MUSK: variants seen among roughly 807,000 people sequenced by gnomAD.
MUSK encodes the protein muscle associated receptor tyrosine kinase.
A neutral mutation model predicts 88.7 loss-of-function variants in MUSK; 55 were observed. The observed-to-expected ratio is 0.62, with a 90% CI of 0.50 to 0.78. The LOEUF (loss-of-function observed/expected upper bound fraction) is 0.78, where lower values mean the gene tolerates loss of function less well. Ranked by LOEUF, MUSK falls within the 30% of genes least tolerant of loss-of-function variation. The pLI is 0.00. For synonymous variants in MUSK, 387 were observed against 391.9 expected (o/e 0.99, Z 0.15); for missense variants, 1,015 against 1,074.3 (o/e 0.94, Z 0.77).
chr9:110,787,189 T>C (rs971705928), intron 13 of MUSK, among the ~76,000 whole-genome samples: 2 of 151,920 alleles, frequency 1.3e-5, no homozygotes, highest in Non-Finnish European at 2.9e-5. Context: ...AGTGAAACCC[T>C]GTCTCTACTA....
At chr9:110,756,337 T>A (rs2077324140) in intron 7 of MUSK, among the ~76,000 whole-genome samples, 1 of 151,956 alleles carries the variant, frequency 6.6e-6, no homozygotes, top group African/African-American at 2.4e-5. Context: ...TCTCAATCCC[T>A]ATTGAGGTAA....
chr9:110,700,049 G>A (rs2076481969), intron 5 of MUSK, among the ~76,000 whole-genome samples: 1 of 152,148 alleles, frequency 6.6e-6, no homozygotes, highest in Non-Finnish European at 1.5e-5. Flanking sequence ...CTCTGCAATG[G>A]AAATGTAAAG....
chr9:110,725,085 T>A (rs138423691), intron 5 of MUSK, among the ~76,000 whole-genome samples: 51 of 152,120 alleles, frequency 3.4e-4, no homozygotes, highest in African/African-American at 1.2e-3. Context: ...AGAAATTAAT[T>A]GAAATAATGG....
At chr9:110,689,419 T>A (rs1355159522) in intron 3 of MUSK, among the ~76,000 whole-genome samples, 2 of 110,630 alleles carry the variant, frequency 1.8e-5, no homozygotes, top group African/African-American at 8.0e-5. Context: ...TATTTATATA[T>A]AATATATGTA....
In MUSK at chr9:110,781,707, ATC is replaced by A. The variant is rs1049874539; in HGVS notation, c.1385-3106_1385-3105del. ...AGATCAAGGTGCCAGCAGATTTGGT[ATC>A]TGGTGAGGACCCATTCCTCATAGAC... On this transcript the variant is annotated intron_variant, in intron 11 of 14. Coordinates refer to ENST00000374448, the MANE Select transcript of MUSK (RefSeq NM_005592.4). 6.6e-4 allele frequency among the ~76,000 whole-genome samples: 100 copies of A among 152,310 alleles called. 1 individual carries two copies. The highest frequency in any genetic ancestry group is 3.4e-3 in the Middle Eastern group (1 of 294).
chr9:110,734,579 G>A (rs1256917447), intron 6 of MUSK, among the ~76,000 whole-genome samples: 1 of 152,042 alleles, frequency 6.6e-6, no homozygotes, highest in Non-Finnish European at 1.5e-5. Context: ...GTATCATGAG[G>A]AATACTAGAA....
rs754730438 is a variant in MUSK at position 110,800,493 on chromosome 9, T to C, written c.2115T>C (p.Ile705=). Residue 705 remains isoleucine (I), a synonymous_variant, in exon 15 of 15, where the codon ATT becomes ATC. Coordinates refer to ENST00000374448, the MANE Select transcript of MUSK (RefSeq NM_005592.4). The part of the protein sequence containing the change: ...PPLSCAEQLC[I]ARQVAAGMAY... ...TCTCCTGTGCTGAGCAGCTTTGCAT[T>C]GCCAGGCAGGTGGCAGCTGGCATGG... 2.5e-6 allele frequency: 4 copies of C among 1,613,920 alleles called. No homozygotes were observed. The highest frequency in any genetic ancestry group is 1.1e-5 in the South Asian group (1 of 91,068).
At chr9:110,799,394 A>G (rs1268619898) in intron 14 of MUSK, among the ~76,000 whole-genome samples, 1 of 152,186 alleles carries the variant, frequency 6.6e-6, no homozygotes, top group Non-Finnish European at 1.5e-5. Context: ...CTTTAAATCT[A>G]AGACTTTATT....
intron 7 of MUSK, among the ~76,000 whole-genome samples, chr9:110,753,756 GA>G (rs1206387071): frequency 1.3e-5 from 2 of 152,028 alleles, no homozygotes; most frequent in African/African-American, 4.8e-5. Context: ...GAGCAGGAGG[GA>G]AAAATCTGAT....
chr9:110,798,066 G>C (rs961308948), intron 14 of MUSK, among the ~76,000 whole-genome samples: 5 of 152,102 alleles, frequency 3.3e-5, no homozygotes, highest in Non-Finnish European at 7.4e-5. Context: ...ATTCCATTTG[G>C]ATATCCAATG....
chr9:110,754,477 G>A (rs2077286907), intron 7 of MUSK, among the ~76,000 whole-genome samples: 1 of 152,042 alleles, frequency 6.6e-6, no homozygotes, highest in South Asian at 2.1e-4. Context: ...TCATCTCCTA[G>A]CCATACACCC....
intron 1 of MUSK, among the ~76,000 whole-genome samples, chr9:110,678,944 T>C (rs1228251993): frequency 2.6e-5 from 4 of 152,140 alleles, no homozygotes; most frequent in Admixed American, 6.5e-5. Context: ...GATTTTATTA[T>C]GGTTAGAAAA....
In MUSK at chr9:110,775,974, G is replaced by C; in HGVS notation, c.1360+11G>C. The stretch of plus-strand genomic sequence containing the variant: ...GACTGCCACATCTAGGTAACACAGA[G>C]TTCTCCCAAGACTTTGGAGGTTAAG... On this transcript the variant is annotated intron_variant, in intron 10 of 14. Transcript: ENST00000374448. The C allele has an allele frequency of 1.9e-6, 3 of 1,599,114 alleles. No homozygotes were observed. The highest frequency in any genetic ancestry group is 2.6e-6 in the Non-Finnish European group (3 of 1,171,738).
intron 9 of MUSK, among the ~76,000 whole-genome samples, chr9:110,772,222 T>C (rs2077586734): frequency 6.6e-6 from 1 of 151,602 alleles, no homozygotes; most frequent in African/African-American, 2.4e-5. Flanking sequence ...ACAAAATACA[T>C]TTATTAACTT....
At chr9:110,699,569 T>C (rs1433260600) in intron 5 of MUSK, among the ~76,000 whole-genome samples, 1 of 152,170 alleles carries the variant, frequency 6.6e-6, no homozygotes, top group Non-Finnish European at 1.5e-5. Context: ...TAAGATATAA[T>C]GTAGACGTGA....
intron 5 of MUSK, among the ~76,000 whole-genome samples, chr9:110,730,326 G>T (rs1271474718): frequency 2.6e-5 from 4 of 151,994 alleles, no homozygotes; most frequent in Non-Finnish European, 5.9e-5. Context: ...GGGGTTTGAT[G>T]ATTTTTTTGT....
At chr9:110,702,982 C>T (rs1305949629) in intron 5 of MUSK, among the ~76,000 whole-genome samples, 1 of 152,002 alleles carries the variant, frequency 6.6e-6, no homozygotes, top group Non-Finnish European at 1.5e-5. Flanking sequence ...ACATTGGTTC[C>T]AGGCCAAAAA....
chr9:110,687,425 C>T (rs1275437259), intron 3 of MUSK, among the ~76,000 whole-genome samples, 157 bp downstream of exon 3: 1 of 152,000 alleles, frequency 6.6e-6, no homozygotes, highest in African/African-American at 2.4e-5. Flanking sequence ...ACCTCCACCT[C>T]CTGGGTTCAA....
chr9:110,728,386 A>G, intron 5 of MUSK: 1 of 344,622 alleles, frequency 2.9e-6, no homozygotes, highest in Non-Finnish European at 5.3e-6. Context: ...AACTGTCAAC[A>G]TTAGAATAAA....
Sources: allele counts gnomAD v4.1 joint callset (sites outside exome capture counted in the v4.1 genomes callset), GRCh38; gene constraint gnomAD v4.1.1; transcripts MANE v1.5; gene names NCBI Gene and HGNC (gene_info 2026-07-23, HGNC 2026-07-21).